GFM1: variants seen among roughly 807,000 people sequenced by gnomAD.
The protein encoded by GFM1 is elongation factor G, mitochondrial.
Under a neutral mutation model 96.2 loss-of-function variants are expected in GFM1, and 62 were observed. That is an observed-to-expected ratio of 0.64 (90% CI 0.53 to 0.80). GFM1 has a LOEUF of 0.80. Among genes scored for constraint, GFM1 ranks in the 30% least tolerant of loss-of-function variants. The pLI is 0.00. For synonymous variants in GFM1, 282 were observed against 312.9 expected (o/e 0.90, Z 1.04); for missense variants, 852 against 916.6 (o/e 0.93, Z 0.91).
intron 15 of GFM1, among the ~76,000 whole-genome samples, chr3:158,686,969 G>C (rs12638363): frequency 0.15 from 23,096 of 151,666 alleles, 1,850 homozygotes; most frequent in South Asian, 0.22. Flanking sequence ...CCGACATCAA[G>C]TAATCCACCC....
At chr3:158,666,648 A>T (rs1723717402) in intron 13 of GFM1, 9 of 1,612,482 alleles carry the variant, frequency 5.6e-6, no homozygotes, top group Non-Finnish European at 7.6e-6. Flanking sequence ...GTTTTTGTTT[A>T]TTCCAGTTGT....
chr3:158,690,081 A>G, intron 15 of GFM1, 82 bp from the exon 16 acceptor site: 2 of 1,257,194 alleles, frequency 1.6e-6, no homozygotes, highest in Non-Finnish European at 2.3e-6. Flanking sequence ...GGAAAGCATC[A>G]TTTTTCTCCC....
chr3:158,672,687 T>G (rs1724472798), intron 13 of GFM1: 4 of 502,248 alleles, frequency 8.0e-6, no homozygotes, highest in East Asian at 3.9e-5. Flanking sequence ...CTGGGCTGAC[T>G]GCTTCTGAGG....
At chr3:158,689,909 C>G (rs1400063623) in intron 15 of GFM1, among the ~76,000 whole-genome samples, 2 of 151,998 alleles carry the variant, frequency 1.3e-5, no homozygotes, top group Non-Finnish European at 2.9e-5. Context: ...TTGTATTATT[C>G]TCTGCTATTT....
chr3:158,646,675 T>G, intron 3 of GFM1, 68 bp from the exon 4 acceptor site: 1 of 1,313,582 alleles, frequency 7.6e-7, no homozygotes, highest in South Asian at 1.3e-5. Flanking sequence ...ATACAAAAAC[T>G]TCTAATAGTG....
At chr3:158,655,934 C>T (rs1560131830) in intron 8 of GFM1, 6 of 456,782 alleles carry the variant, frequency 1.3e-5, no homozygotes, top group South Asian at 9.3e-5. Flanking sequence ...CTTAGACTTT[C>T]CTTGTTTCTC....
At chr3:158,673,268 G>C (rs1724537737) in intron 13 of GFM1, among the ~76,000 whole-genome samples, 1 of 152,110 alleles carries the variant, frequency 6.6e-6, no homozygotes, top group Non-Finnish European at 1.5e-5. Context: ...CTTCCAACTT[G>C]AGTCATTTTG....
At chr3:158,679,694 G>A (rs1301372691) in intron 13 of GFM1, among the ~76,000 whole-genome samples, 1 of 152,100 alleles carries the variant, frequency 6.6e-6, no homozygotes, top group Non-Finnish European at 1.5e-5. Context: ...TTGTCGTTGT[G>A]CATGTGAGTT....
chr3:158,649,388 T>C, intron 5 of GFM1: 1 of 382,476 alleles, frequency 2.6e-6, no homozygotes. Context: ...TATCACATTA[T>C]GGCATGCATG....
chr3:158,682,795 C>A (rs1054363582), intron 14 of GFM1, among the ~76,000 whole-genome samples: 1 of 152,028 alleles, frequency 6.6e-6, no homozygotes. Context: ...GAGGCCGAGG[C>A]GGGCAGATCA....
Position 158,687,683 on chromosome 3 carries a change from G to A in GFM1, c.1910-2480G>A, listed in dbSNP as rs142350615. 9.9e-3 allele frequency among the ~76,000 whole-genome samples: 1,506 copies of A among 152,146 alleles called. 12 individuals carry two copies. The highest frequency in any genetic ancestry group is 0.013 in the Non-Finnish European group (851 of 68,000). ...GGGTCTTACCATGTTGGCCAAGCTG[G>A]TCTTGAACTCCTGACCTCTAATGAT... On this transcript the variant is annotated intron_variant, in intron 15 of 17. Transcript: ENST00000486715.
At position 158,691,500 on chromosome 3, in the gene GFM1, G is replaced by A; in HGVS notation, c.*33G>A. The stretch of plus-strand genomic sequence containing the variant: ...TACTGTGAGTTGACTGACTCTAATT[G>A]AATCTGCGTGGTTTTGATACTTTGA... On this transcript the variant is annotated 3_prime_UTR_variant, in exon 18 of 18. Transcript: ENST00000486715. 1.2e-6 allele frequency: 2 copies of A among 1,611,010 alleles called. No homozygotes were observed. The highest frequency in any genetic ancestry group is 1.7e-6 in the Non-Finnish European group (2 of 1,178,488).
At chr3:158,669,330 T>C in intron 13 of GFM1, 2 of 1,299,812 alleles carry the variant, frequency 1.5e-6, no homozygotes, top group South Asian at 1.5e-5. Context: ...CAAAAGCCTG[T>C]AAGTTTCTAA....
intron 3 of GFM1, 61 bp from the exon 4 acceptor site, chr3:158,646,682 A>G (rs774517397): frequency 2.8e-5 from 38 of 1,345,698 alleles, no homozygotes; most frequent in Non-Finnish European, 3.9e-5. Context: ...AACTTCTAAT[A>G]GTGCATATAT....
chr3:158,681,741 C>T (rs1427871058), intron 13 of GFM1, among the ~76,000 whole-genome samples: 2 of 152,104 alleles, frequency 1.3e-5, no homozygotes, highest in Non-Finnish European at 2.9e-5. Flanking sequence ...CTTTTAATTA[C>T]TCGACTTTTA....
intron 8 of GFM1, among the ~76,000 whole-genome samples, chr3:158,655,547 T>TA (rs1306544877): frequency 6.6e-6 from 1 of 152,108 alleles, no homozygotes; most frequent in Non-Finnish European, 1.5e-5. Flanking sequence ...GGTACATTCT[T>TA]ATAGTACAAC....
In GFM1 at chr3:158,649,125, G is replaced by C. The variant is rs768352591; in HGVS notation, c.657G>C (p.Glu219Asp). The change falls in exon 5 of 18, where the codon GAG becomes GAC. Residue 219 changes from glutamate to aspartate, a missense_variant. Physicochemically the swap from Glu to Asp is conservative, Grantham distance 45. Coordinates refer to ENST00000486715, the MANE Select transcript of GFM1 (RefSeq NM_024996.7). ...TTAAAGGTATTGTAGATCTTATTGA[G>C]GAACGAGCCATCTATTTTGATGGAG... is the stretch of plus-strand genomic sequence containing the variant. ...GNFKGIVDLIEERAIYFDGDF... is the reference protein window; with the variant it reads ...GNFKGIVDLIDERAIYFDGDF... The C allele has an allele frequency of 6.6e-7, 1 of 1,506,010 alleles. No homozygotes were observed. Among genetic ancestry groups the C allele is most frequent in the South Asian group, 1.1e-5 (1 of 88,666 alleles). The allele number at this position is 1,506,010 out of a possible 1,614,324, so 93.3% of individuals were successfully genotyped here.
intron 13 of GFM1, among the ~76,000 whole-genome samples, chr3:158,675,277 C>G (rs1724779837): frequency 9.4e-6 from 1 of 105,994 alleles, no homozygotes; most frequent in Non-Finnish European, 1.7e-5. Flanking sequence ...CAGAGTGAGA[C>G]TCCATCTCAA....
intron 8 of GFM1, among the ~76,000 whole-genome samples, chr3:158,654,958 G>C (rs893240455): frequency 2.0e-5 from 3 of 152,116 alleles, no homozygotes; most frequent in African/African-American, 7.2e-5. Context: ...TTAAATAGTA[G>C]CATAACAGTG....
Sources: gnomAD v4.1 joint callset for allele counts (sites outside exome capture counted in the v4.1 genomes callset) on GRCh38, gnomAD v4.1.1 for gene constraint, MANE v1.5 for transcripts, NCBI Gene and HGNC (gene_info 2026-07-23, HGNC 2026-07-21) for gene names.